Variants in SEL1L3 observed in about 807,000 individuals in gnomAD.
The protein encoded by SEL1L3 is protein sel-1 homolog 3.
SEL1L3 carries 76 observed loss-of-function variants against 142.8 expected under a neutral mutation model. The ratio of observed to expected loss-of-function variants is 0.53; its 90% CI spans 0.44 to 0.64. The LOEUF (loss-of-function observed/expected upper bound fraction) is 0.64, where lower values mean the gene tolerates loss of function less well. Among genes scored for constraint, SEL1L3 ranks in the 30% least tolerant of loss-of-function variants. SEL1L3 has a pLI of 0.00. For missense variants in SEL1L3, 1,262 were observed against 1,381.7 expected (o/e 0.91, Z 1.37); for synonymous variants, 504 against 519.6 (o/e 0.97, Z 0.41).
At chr4:25,820,732 C>A (rs1327328206) in intron 7 of SEL1L3, among the ~76,000 whole-genome samples, 1 of 152,126 alleles carries the variant, frequency 6.6e-6, no homozygotes, top group Non-Finnish European at 1.5e-5. Context: ...TATATGTATG[C>A]ATATGTATAT....
chr4:25,809,576 T>A (rs186725392), intron 9 of SEL1L3, among the ~76,000 whole-genome samples: 1 of 152,294 alleles, frequency 6.6e-6, no homozygotes, highest in Admixed American at 6.5e-5. Context: ...GAGCCTCCGC[T>A]CCTGACCCCG....
intron 16 of SEL1L3, among the ~76,000 whole-genome samples, chr4:25,777,415 G>C (rs2109160227): frequency 6.6e-6 from 1 of 152,178 alleles, no homozygotes; most frequent in South Asian, 2.1e-4. Context: ...ACTTCTTTCA[G>C]TAACTGAACT....
intron 23 of SEL1L3, chr4:25,755,794 C>T: frequency 1.2e-6 from 1 of 839,506 alleles, no homozygotes; most frequent in Non-Finnish European, 1.4e-6. Flanking sequence ...AGACAAATTT[C>T]AGCTCCTCTA....
chr4:25,802,389 T>C lies in SEL1L3; in HGVS notation c.1850A>G (p.Tyr617Cys), dbSNP rs1379193962. Residue 617 changes from tyrosine to cysteine, a missense_variant, in exon 11 of 24, where the codon TAC becomes TGC. Transcript: ENST00000399878. ...CAGGGGGTAGTTGTCAATACCCTGG[T>C]AGTGTTTATACCCAAGATTCATTGA... Reference protein sequence around the residue: ...LSSMNLGYKHYQGIDNYPLDW... With the variant: ...LSSMNLGYKHCQGIDNYPLDW... The C allele has an allele frequency of 3.7e-6, 6 of 1,613,472 alleles. No individual in the cohort carries two copies. The highest frequency in any genetic ancestry group is 5.1e-6 in the Non-Finnish European group (6 of 1,179,586).
At chr4:25,770,043 G>A (rs955056763) in intron 17 of SEL1L3, among the ~76,000 whole-genome samples, 3 of 152,144 alleles carry the variant, frequency 2.0e-5, no homozygotes, top group Non-Finnish European at 2.9e-5. Flanking sequence ...CAGGAGAATC[G>A]CTCGAACACG....
intron 1 of SEL1L3, among the ~76,000 whole-genome samples, chr4:25,854,132 G>A (rs1165241533): frequency 2.0e-5 from 3 of 152,144 alleles, no homozygotes; most frequent in African/African-American, 7.2e-5. Flanking sequence ...AAATATTTTA[G>A]GTTTTGCAGG....
At chr4:25,853,052 T>C (rs1717009095) in intron 1 of SEL1L3, among the ~76,000 whole-genome samples, 2 of 152,226 alleles carry the variant, frequency 1.3e-5, no homozygotes, top group Admixed American at 6.5e-5. Context: ...TTTTGTTTGA[T>C]GGTCCATGCT....
chr4:25,765,514 T>C (rs867385219), intron 19 of SEL1L3, 79 bp from the exon 20 acceptor site: 2 of 865,292 alleles, frequency 2.3e-6, no homozygotes, highest in Middle Eastern at 4.7e-4. Flanking sequence ...CGCATTCACA[T>C]GAATGCAAGT....
intron 2 of SEL1L3, among the ~76,000 whole-genome samples, chr4:25,843,415 T>G (rs942328883): frequency 6.6e-6 from 1 of 152,096 alleles, no homozygotes; most frequent in Non-Finnish European, 1.5e-5. Flanking sequence ...ACTGAATATG[T>G]GACACATACA....
chr4:25,780,755 T>C (rs943063512), intron 15 of SEL1L3, among the ~76,000 whole-genome samples: 1 of 146,678 alleles, frequency 6.8e-6, no homozygotes, highest in Non-Finnish European at 1.5e-5. Context: ...AAAAATTATA[T>C]ATAAACTATA....
chr4:25,731,757 C>T, the SEL1L3 span, among the ~76,000 whole-genome samples: 2 of 151,998 alleles, frequency 1.3e-5, no homozygotes, highest in Non-Finnish European at 2.9e-5. Context: ...GGGTTAGTTC[C>T]AGTTAGGGAC....
At chr4:25,745,290 G>A (rs745692889), downstream of SEL1L3, among the ~76,000 whole-genome samples, 198 of 152,192 alleles carry the variant, frequency 1.3e-3, no homozygotes, top group Non-Finnish European at 2.0e-3. Flanking sequence ...AGCTACTTGG[G>A]AGGCTGAGGC....
At chr4:25,783,824 C>T (rs10020414) in intron 14 of SEL1L3, among the ~76,000 whole-genome samples, 9 of 151,988 alleles carry the variant, frequency 5.9e-5, no homozygotes, top group Non-Finnish European at 1.2e-4. Context: ...AAATGGGAAA[C>T]GGGCACCACA....
chr4:25,861,064 T>G (rs1717671728), intron 1 of SEL1L3, among the ~76,000 whole-genome samples: 1 of 152,348 alleles, frequency 6.6e-6, no homozygotes, highest in Admixed American at 6.5e-5. Flanking sequence ...TCTTGAGATG[T>G]CCACGTGGAA....
At chr4:25,811,998 C>G (rs953572971) in intron 9 of SEL1L3, among the ~76,000 whole-genome samples, 1 of 152,168 alleles carries the variant, frequency 6.6e-6, no homozygotes, top group Non-Finnish European at 1.5e-5. Flanking sequence ...TTACACCATT[C>G]GATCCTACAT....
the SEL1L3 span, among the ~76,000 whole-genome samples, chr4:25,715,794 T>C: frequency 5.1e-5 from 7 of 136,620 alleles, no homozygotes; most frequent in East Asian, 7.8e-4. Flanking sequence ...CCAGGTTATA[T>C]AGTAAAGGAA....
intron 2 of SEL1L3, among the ~76,000 whole-genome samples, chr4:25,843,089 A>G (rs1176136661): frequency 6.6e-6 from 1 of 152,122 alleles, no homozygotes; most frequent in East Asian, 1.9e-4. Context: ...AGGAGAAGCA[A>G]GCGGGCCCCT....
At chr4:25,724,655 T>C in the SEL1L3 span, among the ~76,000 whole-genome samples, 1 of 136,972 alleles carries the variant, frequency 7.3e-6, no homozygotes, top group Non-Finnish European at 1.5e-5. Flanking sequence ...GAGAATGGCG[T>C]GAACCCGGGA....
Position 25,757,590 on chromosome 4 carries a change from G to T in SEL1L3, c.3203C>A (p.Thr1068Asn), listed in dbSNP as rs766907661. The change falls in exon 23 of 24, where the codon ACC becomes AAC. Residue 1068 changes from threonine to asparagine, a missense_variant. Thr to Asn is a moderately conservative substitution (Grantham distance 65). This residue lies in a region of SEL1L3 where 138 missense variants were observed against 129.7 expected (regional missense o/e 1.06). Coordinates refer to ENST00000399878, the MANE Select transcript of SEL1L3 (RefSeq NM_015187.5). ...GGCGATCAATATGGATAGCAGAAAG[G>T]TTCCCAGAAAGTAGATCTGCAAACA... ...LHSALIYFLG[T>N]FLLSILIAWT... 26 of 1,552,480 alleles carry T rather than the reference G, an allele frequency of 1.7e-5. No individual in the cohort carries two copies. The South Asian group carries it at 3.1e-4, about 18-fold the overall frequency.
Sources: allele counts gnomAD v4.1 joint callset (sites outside exome capture counted in the v4.1 genomes callset), GRCh38; gene constraint gnomAD v4.1.1; regional missense constraint gnomAD v4.1.1; transcripts MANE v1.5; gene names NCBI Gene and HGNC (gene_info 2026-07-23, HGNC 2026-07-21).